Variants in SESTD1 observed in about 807,000 individuals in gnomAD.
SESTD1 encodes SEC14 and spectrin domain containing 1.
In SESTD1, 43 loss-of-function variants were observed where a neutral mutation model predicts 101.7. The ratio of observed to expected loss-of-function variants is 0.42; its 90% CI spans 0.33 to 0.55. The LOEUF (loss-of-function observed/expected upper bound fraction) is 0.55. SESTD1 is among the 20% of genes least tolerant of loss of function. SESTD1 has a pLI of 0.07. For missense variants in SESTD1, 647 were observed against 815.1 expected (o/e 0.79, Z 2.51); for synonymous variants, 283 against 286.8 (o/e 0.99, Z 0.13).
rs1574035907 is a variant in SESTD1, at chr2:179,206,632, T to C, written c.-25-14766A>G. ...GTGAAGGATGCTCCTAGCTGAACTCTGTAATAATTGCAACTGAGCACAAAC... is the reference window on the plus strand; with the variant it reads ...GTGAAGGATGCTCCTAGCTGAACTCCGTAATAATTGCAACTGAGCACAAAC... On this transcript the variant is annotated intron_variant, in intron 1 of 17. Coordinates refer to ENST00000428443, the MANE Select transcript of SESTD1 (RefSeq NM_178123.5). Among the ~76,000 whole-genome samples, 2 of 134,818 alleles carry C rather than the reference T, an allele frequency of 1.5e-5. 1 individual carries two copies. Among genetic ancestry groups the C allele is most frequent in the East Asian group, 4.0e-4 (2 of 5,004 alleles). The allele number at this position is 134,818 out of a possible 152,430, so 88.4% of individuals were successfully genotyped here. A position where few individuals can be genotyped will look rare whatever the true frequency, so the allele number is the denominator to read the frequency against.
intron 1 of SESTD1, among the ~76,000 whole-genome samples, chr2:179,243,208 T>C (rs1019365341): frequency 1.3e-5 from 2 of 151,802 alleles, no homozygotes. Context: ...ATCAGAGAAA[T>C]GCAAACATAC....
intron 5 of SESTD1, among the ~76,000 whole-genome samples, chr2:179,158,499 C>T (rs1375246287): frequency 2.6e-5 from 4 of 152,180 alleles, no homozygotes; most frequent in Non-Finnish European, 5.9e-5. Context: ...GAATAATTCT[C>T]TTAAAAGCTC....
chr2:179,123,976 T>C (rs1192654184), intron 11 of SESTD1, 147 bp from the exon 12 acceptor site: 1 of 612,366 alleles, frequency 1.6e-6, no homozygotes, highest in Non-Finnish European at 2.8e-6. Flanking sequence ...ATCATTAGAA[T>C]ATGCATTATC....
In SESTD1 at chr2:179,149,283, C is replaced by A. The variant is rs563178346; in HGVS notation, c.581+14G>T. 1 of 1,586,732 alleles carries A rather than the reference C, an allele frequency of 6.3e-7. No homozygotes were observed. Among genetic ancestry groups the A allele is most frequent in the Non-Finnish European group, 8.6e-7 (1 of 1,159,664 alleles). On this transcript the variant is annotated intron_variant, in intron 7 of 17. Coordinates refer to ENST00000428443, the MANE Select transcript of SESTD1 (RefSeq NM_178123.5). ...GTTTTGCAAGGATATAATTGCATGCCACTAGCCACCTACCTTTCTTTCTCT... is the reference window on the plus strand; with the variant it reads ...GTTTTGCAAGGATATAATTGCATGCAACTAGCCACCTACCTTTCTTTCTCT...
rs982421855 is a variant in SESTD1 at position 179,107,792 on chromosome 2, G to A, written c.*2107C>T. On this transcript the variant is annotated 3_prime_UTR_variant, in exon 18 of 18. Transcript: ENST00000428443. ...GAAGACAAGATTCCTTCCCTCAAAA[G>A]AGCTTACTGGGTACAGACATAAACA... 6.6e-6 allele frequency: 1 copy of A among 152,130 alleles called. No homozygotes were observed. Among genetic ancestry groups the A allele is most frequent in the African/African-American group, 2.4e-5 (1 of 41,422 alleles). 9.4% of individuals were successfully genotyped at this position (152,130 alleles called of 1,614,324 possible).
intron 5 of SESTD1, among the ~76,000 whole-genome samples, chr2:179,164,925 C>T (rs747862374): frequency 1.3e-5 from 2 of 152,088 alleles, no homozygotes; most frequent in Non-Finnish European, 2.9e-5. Flanking sequence ...CTACTCTTAA[C>T]GAAGTTTTTA....
chr2:179,210,205 C>A (rs557930114), intron 1 of SESTD1, among the ~76,000 whole-genome samples: 2 of 133,352 alleles, frequency 1.5e-5, no homozygotes, highest in African/African-American at 5.9e-5. Context: ...TTAAAAATTC[C>A]AACGAAAGAA....
intron 17 of SESTD1, among the ~76,000 whole-genome samples, chr2:179,111,715 G>C (rs959159888): frequency 1.3e-5 from 2 of 149,250 alleles, no homozygotes; most frequent in African/African-American, 4.9e-5. Context: ...AGCTCCTCCT[G>C]ATTCTTTTTT....
intron 14 of SESTD1, 147 bp downstream of exon 14, chr2:179,117,385 T>C: frequency 6.7e-6 from 4 of 601,152 alleles, no homozygotes; most frequent in Non-Finnish European, 1.1e-5. Context: ...AATACCAAAG[T>C]GTATTCTTCA....
chr2:179,244,878 T>C (rs763709462), intron 1 of SESTD1, among the ~76,000 whole-genome samples: 2 of 152,230 alleles, frequency 1.3e-5, no homozygotes, highest in African/African-American at 2.4e-5. Flanking sequence ...AAGATGATTA[T>C]ATTACAAATG....
At chr2:179,263,637 T>C (rs933415417) in intron 1 of SESTD1, among the ~76,000 whole-genome samples, 5 of 133,940 alleles carry the variant, frequency 3.7e-5, no homozygotes, top group African/African-American at 1.5e-4. Flanking sequence ...TCCCGCGATG[T>C]CTGTGTGTAA....
At chr2:179,253,945 C>T (rs1181284329) in intron 1 of SESTD1, among the ~76,000 whole-genome samples, 1 of 151,474 alleles carries the variant, frequency 6.6e-6, no homozygotes, top group Non-Finnish European at 1.5e-5. Context: ...ATAAAAAATA[C>T]AAAAATTAAC....
chr2:179,210,073 A>C (rs1350732026), intron 1 of SESTD1, among the ~76,000 whole-genome samples: 1 of 134,008 alleles, frequency 7.5e-6, no homozygotes, highest in Non-Finnish European at 1.6e-5. Flanking sequence ...TTATGCACAC[A>C]AACTAGAAAA....
intron 1 of SESTD1, among the ~76,000 whole-genome samples, chr2:179,251,679 T>G (rs1432019997): frequency 6.6e-6 from 1 of 152,230 alleles, no homozygotes; most frequent in Non-Finnish European, 1.5e-5. Context: ...TATTAGGAGA[T>G]GAAGCCTTTG....
Position 179,105,757 on chromosome 2 carries a change from T to A in SESTD1, c.*4142A>T, listed in dbSNP as rs1252503395. 1 of 152,194 alleles carries A rather than the reference T, an allele frequency of 6.6e-6. No homozygotes were observed. The highest frequency in any genetic ancestry group is 1.5e-5 in the Non-Finnish European group (1 of 68,028). The allele number at this position is 152,194 out of a possible 1,614,324, so 9.4% of individuals were successfully genotyped here. On this transcript the variant is annotated 3_prime_UTR_variant, in exon 18 of 18. Coordinates refer to ENST00000428443, the MANE Select transcript of SESTD1 (RefSeq NM_178123.5). Reference sequence around the variant, plus strand: ...TTGAAATTGGTATGACTTCTCTGTTTTACAGCCTGAGATAAATTCTCAGAT... The same window carrying A: ...TTGAAATTGGTATGACTTCTCTGTTATACAGCCTGAGATAAATTCTCAGAT...
At chr2:179,206,124 T>A (rs1292519305) in intron 1 of SESTD1, among the ~76,000 whole-genome samples, 1 of 134,698 alleles carries the variant, frequency 7.4e-6, no homozygotes, top group East Asian at 2.0e-4. Flanking sequence ...TTAAATAACA[T>A]GAAGGTGGAA....
At position 179,112,809 on chromosome 2, in the gene SESTD1, T is replaced by G. The variant is rs187665418; in HGVS notation, c.1876A>C (p.Asn626His). 6 of 1,612,964 alleles carry G rather than the reference T, an allele frequency of 3.7e-6. No homozygotes were observed. In the Admixed American group the frequency reaches 1.0e-4, roughly 27 times the overall value. ...ATTTCATCAAATTGCTCCTCATCAT[T>G]AATAGCTTCAGGCTCTTCTGGACAG... ...QDCPEEPEAI[N>H]DEEQFDEIEA... The change falls in exon 17 of 18, where the codon AAT becomes CAT. Residue 626 changes from asparagine (N) to histidine (H), a missense_variant. This residue lies in a region of SESTD1 where 476 missense variants were observed against 562.6 expected (regional missense o/e 0.85). Transcript: ENST00000428443.
chr2:179,206,662 C>A (rs1292324567), intron 1 of SESTD1, among the ~76,000 whole-genome samples: 1 of 135,026 alleles, frequency 7.4e-6, no homozygotes, highest in East Asian at 2.0e-4. Flanking sequence ...ACAAACTTTC[C>A]TAAGCAGAAT....
intron 1 of SESTD1, among the ~76,000 whole-genome samples, chr2:179,213,397 C>A (rs2046677395): frequency 1.5e-5 from 2 of 134,326 alleles, no homozygotes; most frequent in African/African-American, 5.9e-5. Context: ...GAAAGGATAT[C>A]AGTGATTGAA....
Sources: allele counts gnomAD v4.1 joint callset (sites outside exome capture counted in the v4.1 genomes callset), GRCh38; gene constraint gnomAD v4.1.1; regional missense constraint gnomAD v4.1.1; transcripts MANE v1.5; gene names NCBI Gene and HGNC (gene_info 2026-07-23, HGNC 2026-07-21).